C1QTNF2: variants seen among roughly 807,000 people sequenced by gnomAD.
C1QTNF2 encodes complement C1q tumor necrosis factor-related protein 2.
In C1QTNF2, 15 loss-of-function variants were observed where a neutral mutation model predicts 17.4. The ratio of observed to expected loss-of-function variants is 0.86; its 90% CI spans 0.58 to 1.33. The LOEUF is 1.33. C1QTNF2 is among the 40% of genes most tolerant of loss of function. The probability of loss-of-function intolerance (pLI) is 0.00; values close to 1 mark genes in which losing one functional copy is unlikely to be tolerated. For missense variants in C1QTNF2, 381 were observed against 392.3 expected (o/e 0.97, Z 0.24); for synonymous variants, 154 against 163.3 (o/e 0.94, Z 0.44).
Position 160,348,497 on chromosome 5 carries a change from C to T in C1QTNF2, c.*671G>A, listed in dbSNP as rs1327499506. Reference sequence around the variant, plus strand: ...GAGCCTTTTGCTGGAGACCTCTTTTCGAGGCCTTTGTGTTGCTCTATTTCC... The same window carrying T: ...GAGCCTTTTGCTGGAGACCTCTTTTTGAGGCCTTTGTGTTGCTCTATTTCC... On this transcript the variant is annotated 3_prime_UTR_variant, in exon 3 of 3. Coordinates refer to ENST00000652664, the MANE Select transcript of C1QTNF2 (RefSeq NM_031908.6). 1 of 152,238 alleles carries T rather than the reference C, an allele frequency of 6.6e-6. No homozygotes were observed. Among genetic ancestry groups the T allele is most frequent in the Non-Finnish European group, 1.5e-5 (1 of 68,076 alleles). The allele number at this position is 152,238 out of a possible 1,614,324, so 9.4% of individuals were successfully genotyped here.
intron 1 of C1QTNF2, 25 bp from the exon 2 acceptor site, chr5:160,355,045 C>T: frequency 2.0e-6 from 3 of 1,510,368 alleles, no homozygotes; most frequent in Non-Finnish European, 2.7e-6. Flanking sequence ...AGAGCTGTGA[C>T]AGGTGAGTGT....
chr5:160,352,991 A>G (rs1224466399), intron 2 of C1QTNF2, among the ~76,000 whole-genome samples: 7 of 152,172 alleles, frequency 4.6e-5, no homozygotes, highest in African/African-American at 1.7e-4. Flanking sequence ...TGCTATTATT[A>G]TCCATATTTT....
intron 1 of C1QTNF2, 113 bp downstream of exon 1, chr5:160,370,399 G>A (rs1764332310): frequency 2.3e-6 from 3 of 1,307,650 alleles, no homozygotes; most frequent in Middle Eastern, 2.8e-4. Flanking sequence ...AAGGCGCGCT[G>A]GCAGCTCTCC....
Position 160,349,252 on chromosome 5 carries a change from C to T in C1QTNF2, c.774G>A (p.Gly258=). 15 of 1,614,096 alleles carry T rather than the reference C, an allele frequency of 9.3e-6. No individual in the cohort carries two copies. The highest frequency in any genetic ancestry group is 1.3e-5 in the Non-Finnish European group (15 of 1,180,018). ...WLQIFYSEQN[G]LFYDPYWTDS... ...CTGTCCAGTAAGGGTCATAGAAGAG[C>T]CCGTTCTGCTCTGAGTAGAAGATCT... Residue 258 remains glycine (G), a synonymous_variant, in exon 3 of 3, where the codon GGG becomes GGA. Transcript: ENST00000652664. The surrounding 1 kb of genome is among the most constrained non-coding windows in gnomAD (Gnocchi z 4.3).
chr5:160,359,408 C>T (rs180780683), intron 1 of C1QTNF2, among the ~76,000 whole-genome samples: 1 of 152,314 alleles, frequency 6.6e-6, no homozygotes, highest in African/African-American at 2.4e-5. Flanking sequence ...TTGGCTGATC[C>T]TAGTACCCAA....
chr5:160,358,937 T>C (rs990074798), intron 1 of C1QTNF2, among the ~76,000 whole-genome samples: 2 of 152,048 alleles, frequency 1.3e-5, no homozygotes, highest in Non-Finnish European at 1.5e-5. Flanking sequence ...CGTGCCACCA[T>C]GCCCAGCTAA....
intron 2 of C1QTNF2, among the ~76,000 whole-genome samples, chr5:160,352,625 T>C (rs935899083): frequency 7.9e-5 from 12 of 152,330 alleles, no homozygotes; most frequent in South Asian, 2.1e-4. Context: ...TCAGGATCCA[T>C]AGGCAAATCT....
At chr5:160,368,757 T>C (rs1764292796) in intron 1 of C1QTNF2, among the ~76,000 whole-genome samples, 1 of 151,996 alleles carries the variant, frequency 6.6e-6, no homozygotes, top group African/African-American at 2.4e-5. Flanking sequence ...AGAGACTGTC[T>C]GATCAGCAGG....
chr5:160,354,617 T>TAC (rs1764000809), intron 2 of C1QTNF2, 151 bp downstream of exon 2: 1 of 177,250 alleles, frequency 5.6e-6, no homozygotes, highest in Non-Finnish European at 1.0e-5. Context: ...TATATATATA[T>TAC]ATATATATAT....
rs552227383 is a variant in C1QTNF2, at chr5:160,349,371, G to T, written c.655C>A (p.Arg219Ser). 6.2e-7 allele frequency: 1 copy of T among 1,614,130 alleles called. No homozygotes were observed. Among genetic ancestry groups the T allele is most frequent in the South Asian group, 1.1e-5 (1 of 91,076 alleles). ...GTGTTGGCATCAAAGGTCCGGATGCGGTACTGGCCGTTGTGCACCAGGCCG... is the reference window on the plus strand; with the variant it reads ...GTGTTGGCATCAAAGGTCCGGATGCTGTACTGGCCGTTGTGCACCAGGCCG... ...AIGLVHNGQY[R>S]IRTFDANTGN... The change falls in exon 3 of 3, where the codon CGC becomes AGC. Residue 219 changes from arginine to serine, a missense_variant. Arg to Ser is a moderately radical substitution (Grantham distance 110). Transcript: ENST00000652664. The surrounding 1 kb of genome is among the most constrained non-coding windows in gnomAD (Gnocchi z 4.3).
intron 1 of C1QTNF2, among the ~76,000 whole-genome samples, chr5:160,361,919 C>T (rs970696998): frequency 1.3e-5 from 2 of 152,156 alleles, no homozygotes; most frequent in Non-Finnish European, 2.9e-5. Flanking sequence ...TTGTTTGTTT[C>T]TTGACTTGTT....
intron 1 of C1QTNF2, among the ~76,000 whole-genome samples, chr5:160,366,786 G>A (rs1436262218): frequency 3.3e-5 from 5 of 151,930 alleles, no homozygotes; most frequent in African/African-American, 4.8e-5. Flanking sequence ...CACTTTTGGA[G>A]GCCAAAGCAG....
At chr5:160,367,722 C>T (rs748090794) in intron 1 of C1QTNF2, among the ~76,000 whole-genome samples, 2 of 152,182 alleles carry the variant, frequency 1.3e-5, no homozygotes, top group Non-Finnish European at 2.9e-5. Context: ...CGGTGCCCCA[C>T]GCTGACTAGG....
chr5:160,370,528 C>A lies in C1QTNF2; in HGVS notation c.-26G>T. On this transcript the variant is annotated 5_prime_UTR_variant, in exon 1 of 3. Transcript: ENST00000652664. ...GACACTCACCCTCGCGGCTGCCCGC[C>A]ACGTCCAGGGGCGTCCGGAGCAAAG... 1 of 1,491,212 alleles carries A rather than the reference C, an allele frequency of 6.7e-7. No individual in the cohort carries two copies. The highest frequency in any genetic ancestry group is 2.8e-5 in the East Asian group (1 of 36,326). 92.4% of individuals were successfully genotyped at this position (1,491,212 alleles called of 1,614,324 possible).
At chr5:160,359,769 T>G (rs946235793) in intron 1 of C1QTNF2, among the ~76,000 whole-genome samples, 1 of 152,176 alleles carries the variant, frequency 6.6e-6, no homozygotes, top group Non-Finnish European at 1.5e-5. Context: ...TGGGGGAGTT[T>G]CCAAGGCCTG....
Position 160,349,603 on chromosome 5 carries a change from G to A in C1QTNF2, c.423C>T (p.Cys141=), listed in dbSNP as rs752859161. The A allele has an allele frequency of 6.2e-7, 1 of 1,613,516 alleles. No homozygotes were observed. The highest frequency in any genetic ancestry group is 1.1e-5 in the South Asian group (1 of 91,084). ...KKGEPGLPGP[C]SCGSGHTKSA... ...ACTTGGTATGGCCACTGCCACAGCT[G>A]CAGGGGCCTGGGAGGCCTGGCTCCC... is the stretch of plus-strand genomic sequence containing the variant. The change falls in exon 3 of 3, where the codon TGC becomes TGT. Residue 141 remains cysteine (C), a synonymous_variant. Transcript: ENST00000652664. The surrounding 1 kb of genome is among the most constrained non-coding windows in gnomAD (Gnocchi z 4.3).
chr5:160,350,012 C>T (rs1763887881), intron 2 of C1QTNF2, among the ~76,000 whole-genome samples: 1 of 152,188 alleles, frequency 6.6e-6, no homozygotes, highest in Admixed American at 6.5e-5. Context: ...AAAAGAATAA[C>T]TTGTAACAGT....
In C1QTNF2 at chr5:160,349,233, A is replaced by G. The variant is rs756730144; in HGVS notation, c.793T>C (p.Trp265Arg). 4 of 1,614,174 alleles carry G rather than the reference A, an allele frequency of 2.5e-6. No homozygotes were observed. The highest frequency in any genetic ancestry group is 1.7e-5 in the Admixed American group (1 of 60,024). The change falls in exon 3 of 3, where the codon TGG becomes CGG. Residue 265 changes from tryptophan to arginine, a missense_variant. By Grantham distance (101) the Trp-to-Arg change is moderately radical (BLOSUM62 -3). Coordinates refer to ENST00000652664, the MANE Select transcript of C1QTNF2 (RefSeq NM_031908.6). The surrounding 1 kb of genome is among the most constrained non-coding windows in gnomAD (Gnocchi z 4.3). ...EQNGLFYDPY[W>R]TDSLFTGFLI... The stretch of plus-strand genomic sequence containing the variant: ...AAGCCCGTAAAGAGGCTGTCTGTCC[A>G]GTAAGGGTCATAGAAGAGCCCGTTC...
At chr5:160,355,150 GCATCA>G (rs1764024224) in intron 1 of C1QTNF2, 130 bp from the exon 2 acceptor site, 1 of 1,409,146 alleles carries the variant, frequency 7.1e-7, no homozygotes, top group African/African-American at 1.5e-5. Context: ...GCTCTTTCCT[GCATCA>G]CATACAAGTA....
Sources: allele counts gnomAD v4.1 joint callset (sites outside exome capture counted in the v4.1 genomes callset), GRCh38; gene constraint gnomAD v4.1.1; non-coding constraint Gnocchi (gnomAD v3.1); transcripts MANE v1.5; gene names NCBI Gene and HGNC (gene_info 2026-07-23, HGNC 2026-07-21).